CADPS: variants seen among roughly 807,000 people sequenced by gnomAD.
CADPS encodes calcium dependent secretion activator.
CADPS carries 57 observed loss-of-function variants against 167.3 expected under a neutral mutation model. That is an observed-to-expected ratio of 0.34 (90% CI 0.28 to 0.42). CADPS has a LOEUF of 0.42. Among genes scored for constraint, CADPS ranks in the 20% least tolerant of loss-of-function variants. The probability of loss-of-function intolerance (pLI) is 1.00; values close to 1 mark genes in which losing one functional copy is unlikely to be tolerated. For missense variants in CADPS, 1,414 were observed against 1,738.1 expected, an observed-to-expected ratio of 0.81 and a Z score of 3.32; for synonymous variants, 676 against 635.3, an observed-to-expected ratio of 1.06 and a Z score of -0.96.
At chr3:62,792,105 C>T (rs1229402461) in intron 1 of CADPS, among the ~76,000 whole-genome samples, 2 of 151,948 alleles carry the variant, frequency 1.3e-5, no homozygotes, top group African/African-American at 2.4e-5. Flanking sequence ...TCAATATCAG[C>T]ATGTAGGAAG....
chr3:62,780,333 G>A (rs1171276049), intron 1 of CADPS, among the ~76,000 whole-genome samples: 2 of 152,158 alleles, frequency 1.3e-5, no homozygotes, highest in African/African-American at 4.8e-5. Context: ...TGGGAGAATT[G>A]TTTGAGCCCA....
chr3:62,457,872 G>A (rs2058879094), intron 26 of CADPS, among the ~76,000 whole-genome samples: 1 of 152,126 alleles, frequency 6.6e-6, no homozygotes, highest in African/African-American at 2.4e-5. Context: ...ATAAGTGGGA[G>A]TTGAACAATG....
rs532621842 is a variant in CADPS at position 62,480,393 on chromosome 3, A to T, written c.3173+1330T>A. On this transcript the variant is annotated intron_variant, in intron 22 of 29. Coordinates refer to ENST00000383710, the MANE Select transcript of CADPS (RefSeq NM_003716.4). ...ATATAGTCATCTTAGCATGAATATG[A>T]TTTGTGTTCTTTTTTAGAAGCTTTT... Among the ~76,000 whole-genome samples the T allele has an allele frequency of 7.9e-5, 12 of 152,300 alleles. No homozygotes were observed. The South Asian group carries it at 2.5e-3, about 32-fold the overall frequency.
chr3:62,816,429 C>G (rs533350861), intron 1 of CADPS, among the ~76,000 whole-genome samples: 161 of 152,090 alleles, frequency 1.1e-3, no homozygotes, highest in Middle Eastern at 6.8e-3. Flanking sequence ...TGTGTTAAAA[C>G]AACTTCATTT....
chr3:62,491,548 C>CACACACAA lies in CADPS; in HGVS notation c.2885-69_2885-68insTTGTGTGT, dbSNP rs1553815196. Reference sequence around the variant, plus strand: ...TTTATCAACGTACAACACACACACACACACACACAAACACACACACACACA... The same window carrying CACACACAA: ...TTTATCAACGTACAACACACACACACACACACAAACACACACAAACACACACACACACA... On this transcript the variant is annotated intron_variant, in intron 20 of 29. Transcript: ENST00000383710. 2,597 of 1,110,464 alleles carry CACACACAA rather than the reference C, an allele frequency of 2.3e-3. 38 individuals are homozygous for CACACACAA. In the African/African-American group the frequency reaches 0.046, roughly 20 times the overall value. The allele number at this position is 1,110,464 out of a possible 1,614,324, so 68.8% of individuals were successfully genotyped here.
chr3:62,522,353 G>C (rs1477552372), intron 13 of CADPS, among the ~76,000 whole-genome samples: 1 of 152,058 alleles, frequency 6.6e-6, no homozygotes, highest in Non-Finnish European at 1.5e-5. Context: ...TGCCCAGGCT[G>C]GTCTCTAACT....
chr3:62,471,636 G>C (rs1160720779), intron 24 of CADPS, among the ~76,000 whole-genome samples: 2 of 152,084 alleles, frequency 1.3e-5, no homozygotes, highest in African/African-American at 2.4e-5. Context: ...TCAAGCTGGG[G>C]AGGGACTGCA....
chr3:62,687,368 G>A (rs1001655419), intron 3 of CADPS, among the ~76,000 whole-genome samples: 1 of 152,074 alleles, frequency 6.6e-6, no homozygotes, highest in Admixed American at 6.6e-5. Flanking sequence ...AATGGGGCAA[G>A]AAATACTGCA....
chr3:62,599,256 G>C (rs181422436), intron 6 of CADPS, among the ~76,000 whole-genome samples: 23 of 151,698 alleles, frequency 1.5e-4, no homozygotes, highest in Non-Finnish European at 4.4e-5. Context: ...CCTATTCTGT[G>C]ATCCCATCCT....
At chr3:62,672,566 G>A (rs6445282) in intron 3 of CADPS, among the ~76,000 whole-genome samples, 113,106 of 151,976 alleles carry the variant, frequency 0.74, 42,158 homozygotes, top group East Asian at 0.88. Flanking sequence ...CTAGGTTCAC[G>A]AACATGACAT....
At chr3:62,761,818 C>A (rs1451900727) in intron 2 of CADPS, among the ~76,000 whole-genome samples, 1 of 152,098 alleles carries the variant, frequency 6.6e-6, no homozygotes, top group Admixed American at 6.5e-5. Flanking sequence ...GTGTGAGAAC[C>A]AGACAGAATT....
intron 26 of CADPS, among the ~76,000 whole-genome samples, chr3:62,460,640 G>A (rs913560414): frequency 9.9e-5 from 15 of 152,166 alleles, no homozygotes; most frequent in Admixed American, 5.9e-4. Context: ...TGGCATTCTC[G>A]TTCTAAGGCA....
At chr3:62,496,630 C>G (rs1202234870) in intron 18 of CADPS, among the ~76,000 whole-genome samples, 1 of 152,192 alleles carries the variant, frequency 6.6e-6, no homozygotes, top group Non-Finnish European at 1.5e-5. Flanking sequence ...GCCTTCCACT[C>G]TAACAATGAC....
chr3:62,732,506 G>A (rs992209183), intron 3 of CADPS, among the ~76,000 whole-genome samples: 2 of 152,174 alleles, frequency 1.3e-5, no homozygotes, highest in East Asian at 1.9e-4. Flanking sequence ...GCTAAGCTGC[G>A]CCCAGATTCC....
intron 9 of CADPS, among the ~76,000 whole-genome samples, chr3:62,559,613 G>C (rs890460119): frequency 6.6e-6 from 1 of 152,058 alleles, no homozygotes; most frequent in Non-Finnish European, 1.5e-5. Flanking sequence ...TCCTGCCTCA[G>C]CCTCCTGAGT....
At chr3:62,623,773 C>T (rs984323705) in intron 6 of CADPS, among the ~76,000 whole-genome samples, 3 of 152,068 alleles carry the variant, frequency 2.0e-5, no homozygotes, top group African/African-American at 7.2e-5. Flanking sequence ...TAACTTCCCA[C>T]GGCTGAACAA....
At chr3:62,578,848 G>C (rs780331983) in intron 8 of CADPS, among the ~76,000 whole-genome samples, 2 of 152,062 alleles carry the variant, frequency 1.3e-5, no homozygotes, top group Non-Finnish European at 2.9e-5. Flanking sequence ...AAGTCAACAA[G>C]GGAGATAAAA....
At chr3:62,801,245 C>A (rs537644680) in intron 1 of CADPS, among the ~76,000 whole-genome samples, 2 of 152,190 alleles carry the variant, frequency 1.3e-5, no homozygotes, top group African/African-American at 4.8e-5. Context: ...GCCATTGATG[C>A]AAGAATTTTT....
In CADPS at chr3:62,465,377, A is replaced by G. The variant is rs754901644; in HGVS notation, c.3626T>C (p.Leu1209Pro). Reference sequence around the variant, plus strand: ...AAGCTCTTTACTTACGGTAAATGACAGAAAAGAAGAAAACAAAGTCCCTTC... The same window carrying G: ...AAGCTCTTTACTTACGGTAAATGACGGAAAAGAAGAAAACAAAGTCCCTTC... ...YDEGTLFSSF[L>P]SFTVKAASKY... Residue 1209 changes from leucine (L) to proline (P), a missense_variant, in exon 26 of 30, where the codon CTG becomes CCG. Physicochemically the swap from Leu to Pro is moderately conservative, Grantham distance 98 (BLOSUM62 -3). This residue lies in a region of CADPS where 185 missense variants were observed against 251.5 expected (regional missense o/e 0.74). Coordinates refer to ENST00000383710, the MANE Select transcript of CADPS (RefSeq NM_003716.4). The surrounding 1 kb of genome is among the most constrained non-coding windows in gnomAD (Gnocchi z 4.1). 6.2e-7 allele frequency: 1 copy of G among 1,606,278 alleles called. No individual in the cohort carries two copies. Among genetic ancestry groups the G allele is most frequent in the Non-Finnish European group, 8.5e-7 (1 of 1,176,928 alleles).
Sources: allele counts gnomAD v4.1 joint callset (sites outside exome capture counted in the v4.1 genomes callset), GRCh38; gene constraint gnomAD v4.1.1; regional missense constraint gnomAD v4.1.1; non-coding constraint Gnocchi (gnomAD v3.1); transcripts MANE v1.5; gene names NCBI Gene and HGNC (gene_info 2026-07-23, HGNC 2026-07-21).